CREBBP: variants seen among roughly 807,000 people sequenced by gnomAD.
CREBBP encodes CREB-binding protein.
Under a neutral mutation model 265.0 loss-of-function variants are expected in CREBBP, and 19 were observed. The observed-to-expected ratio is 0.07, with a 90% CI of 0.05 to 0.11. The LOEUF is 0.11. CREBBP is among the 10% of genes least tolerant of loss of function. The probability of loss-of-function intolerance (pLI) is 1.00; values close to 1 mark genes in which losing one functional copy is unlikely to be tolerated. For missense variants in CREBBP, 2,525 were observed against 3,219.0 expected, an observed-to-expected ratio of 0.78 and a Z score of 5.22; for synonymous variants, 1,457 against 1,223.7, an observed-to-expected ratio of 1.19 and a Z score of -3.98.
chr16:3,737,782 TTTTC>T (rs1360901522), intron 26 of CREBBP, among the ~76,000 whole-genome samples: 3 of 151,408 alleles, frequency 2.0e-5, no homozygotes, highest in South Asian at 2.1e-4. Context: ...TCTTTTTTTC[TTTTC>T]TTTCTTTTTT....
chr16:3,802,826 C>T (rs1159434206), intron 3 of CREBBP, among the ~76,000 whole-genome samples: 7 of 152,086 alleles, frequency 4.6e-5, no homozygotes, highest in African/African-American at 1.4e-4. Context: ...AACCTATGCT[C>T]CTCGGATACT....
chr16:3,862,955 G>A (rs1005498426), intron 1 of CREBBP, among the ~76,000 whole-genome samples: 8 of 152,210 alleles, frequency 5.3e-5, no homozygotes, highest in East Asian at 3.9e-4. Context: ...TCTTTTACAC[G>A]GAAATGTGCT....
rs536823264 is a variant in CREBBP, at chr16:3,755,174, T to C, written c.3698+2114A>G. On this transcript the variant is annotated intron_variant, in intron 19 of 30. Transcript: ENST00000262367. ...AAAATTAGACGTTTCAGAACTTTCA[T>C]GCCATCAATGACTTTATATGCCATC... is the stretch of plus-strand genomic sequence containing the variant. 4.6e-5 allele frequency among the ~76,000 whole-genome samples: 7 copies of C among 152,380 alleles called. 1 individual carries two copies. Among genetic ancestry groups the C allele is most frequent in the African/African-American group, 1.7e-4 (7 of 41,592 alleles).
rs2054758186 is a variant in CREBBP at position 3,849,436 on chromosome 16, T to TGTGTGTGTGTG, written c.798+850_798+860dup. The stretch of plus-strand genomic sequence containing the variant: ...GTGTGTGTGTGTGTGTGTGTGTGTG[T>TGTGTGTGTGTG]GTGTGTGTGTGTGTGTGTGTGTGTG... On this transcript the variant is annotated intron_variant, in intron 2 of 30. Coordinates refer to ENST00000262367, the MANE Select transcript of CREBBP (RefSeq NM_004380.3). 1.8e-3 allele frequency among the ~76,000 whole-genome samples: 20 copies of TGTGTGTGTGTG among 11,406 alleles called. 1 individual carries two copies. Among genetic ancestry groups the TGTGTGTGTGTG allele is most frequent in the Non-Finnish European group, 5.6e-3 (9 of 1,606 alleles). 7.5% of individuals were successfully genotyped at this position (11,406 alleles called of 152,430 possible).
intron 1 of CREBBP, among the ~76,000 whole-genome samples, chr16:3,871,582 T>G (rs2055301012): frequency 6.6e-6 from 1 of 152,238 alleles, no homozygotes; most frequent in South Asian, 2.1e-4. Flanking sequence ...TCTCCTTATT[T>G]AAATGTTGTA....
intron 26 of CREBBP, chr16:3,737,143 C>T (rs2052082020): frequency 1.5e-5 from 7 of 454,012 alleles, no homozygotes; most frequent in Admixed American, 3.5e-5. Context: ...CTCCTGTGCA[C>T]TGTAAAGGCA....
intron 3 of CREBBP, among the ~76,000 whole-genome samples, chr16:3,807,588 C>A (rs1369968702): frequency 1.3e-5 from 2 of 152,138 alleles, no homozygotes; most frequent in Non-Finnish European, 2.9e-5. Flanking sequence ...GCATTCCCGG[C>A]AGGCTCAGGG....
chr16:3,801,220 T>C (rs1228755512), intron 3 of CREBBP, among the ~76,000 whole-genome samples: 5 of 152,164 alleles, frequency 3.3e-5, no homozygotes, highest in Non-Finnish European at 5.9e-5. Flanking sequence ...CCACCTTGCA[T>C]TATAAAGTGT....
At chr16:3,733,030 G>A (rs958165178) in intron 28 of CREBBP, among the ~76,000 whole-genome samples, 5 of 151,996 alleles carry the variant, frequency 3.3e-5, no homozygotes, top group Admixed American at 1.3e-4. Context: ...AGATGAGAGA[G>A]ACTCTTGGTG....
intron 25 of CREBBP, among the ~76,000 whole-genome samples, chr16:3,739,020 C>T (rs1210496093): frequency 1.3e-5 from 2 of 152,168 alleles, no homozygotes; most frequent in Non-Finnish European, 2.9e-5. Context: ...TGTGATTGGC[C>T]AGTTTTTCTT....
Position 3,731,887 on chromosome 16 carries a change from G to C in CREBBP, c.4779C>G (p.Thr1593=). The change falls in exon 29 of 31, where the codon ACC becomes ACG. Residue 1593 remains threonine (T), a synonymous_variant. Coordinates refer to ENST00000262367, the MANE Select transcript of CREBBP (RefSeq NM_004380.3). The surrounding 1 kb of genome is among the most constrained non-coding windows in gnomAD (Gnocchi z 7.7). The part of the protein sequence containing the change: ...KNAKKKNNKK[T]NKNKSSISRA... ...GGCTGATGCTGCTTTTGTTCTTGTT[G>C]GTTTTCTTGTTGTTCTTCTTCTTGG... The C allele has an allele frequency of 6.2e-7, 1 of 1,614,242 alleles. No individual in the cohort carries two copies. The highest frequency in any genetic ancestry group is 8.5e-7 in the Non-Finnish European group (1 of 1,180,038).
chr16:3,743,101 C>T (rs1266172769), intron 23 of CREBBP: 1 of 152,174 alleles, frequency 6.6e-6, no homozygotes, highest in Non-Finnish European at 1.5e-5. Context: ...CAAATGGAGG[C>T]AACTGTGCCC....
Position 3,731,666 on chromosome 16 carries a change from G to A in CREBBP, c.4890+110C>T. ...CAACTGGTCCACTTGGTTTCCTGGG[G>A]GCCACTTCCCTCCCACCACAGACCT... On this transcript the variant is annotated intron_variant, in intron 29 of 30. Transcript: ENST00000262367. The surrounding 1 kb of genome is among the most constrained non-coding windows in gnomAD (Gnocchi z 7.7). 2 of 1,514,986 alleles carry A rather than the reference G, an allele frequency of 1.3e-6. No individual in the cohort carries two copies. Among genetic ancestry groups the A allele is most frequent in the Admixed American group, 1.7e-5 (1 of 59,734 alleles). The allele number at this position is 1,514,986 out of a possible 1,614,324, so 93.8% of individuals were successfully genotyped here. A position where few individuals can be genotyped will look rare whatever the true frequency, so the allele number is the denominator to read the frequency against.
At chr16:3,867,594 T>G (rs2055202103) in intron 1 of CREBBP, among the ~76,000 whole-genome samples, 1 of 152,022 alleles carries the variant, frequency 6.6e-6, no homozygotes, top group African/African-American at 2.4e-5. Flanking sequence ...CAAAACATTT[T>G]ACCGTTAAAA....
At chr16:3,848,762 C>T (rs1007726837) in intron 2 of CREBBP, among the ~76,000 whole-genome samples, 7 of 152,138 alleles carry the variant, frequency 4.6e-5, no homozygotes, top group Admixed American at 2.0e-4. Context: ...GAACAAGGAT[C>T]AATCTCTCCA....
At chr16:3,860,915 C>T (rs1465297272) in intron 1 of CREBBP, among the ~76,000 whole-genome samples, 6 of 151,986 alleles carry the variant, frequency 3.9e-5, no homozygotes, top group African/African-American at 1.5e-4. Flanking sequence ...CTCAACCAAG[C>T]CCTGGTTCAG....
In CREBBP at chr16:3,729,567, C is replaced by T. The variant is rs2151310467; in HGVS notation, c.5480G>A (p.Cys1827Tyr). Reference protein sequence around the residue: ...PVCKQLIALCCYHAKHCQENK... With the variant: ...PVCKQLIALCYYHAKHCQENK... The stretch of plus-strand genomic sequence containing the variant: ...TTCTTGGCAGTGCTTGGCGTGGTAG[C>T]AGCAGAGGGCGATGAGCTGCTTGCA... Residue 1827 changes from cysteine (C) to tyrosine (Y), a missense_variant, in exon 31 of 31, where the codon TGC becomes TAC. By Grantham distance (194) the Cys-to-Tyr change is radical. This residue lies in a region of CREBBP where 53 missense variants were observed against 146.3 expected (regional missense o/e 0.36). Coordinates refer to ENST00000262367, the MANE Select transcript of CREBBP (RefSeq NM_004380.3). 1 of 1,614,180 alleles carries T rather than the reference C, an allele frequency of 6.2e-7. No homozygotes were observed. The highest frequency in any genetic ancestry group is 8.5e-7 in the Non-Finnish European group (1 of 1,180,018).
At chr16:3,744,697 C>G (rs532738674) in intron 23 of CREBBP, among the ~76,000 whole-genome samples, 197 bp downstream of exon 23, 13 of 152,298 alleles carry the variant, frequency 8.5e-5, no homozygotes, top group African/African-American at 2.6e-4. Context: ...TTCTTGCATT[C>G]TTACCCTCAT....
chr16:3,787,054 G>A (rs1383875479), intron 5 of CREBBP, among the ~76,000 whole-genome samples: 1 of 145,556 alleles, frequency 6.9e-6, no homozygotes, highest in East Asian at 2.0e-4. Context: ...CTGGGCGACA[G>A]AGTGAGACTT....
Sources: allele counts gnomAD v4.1 joint callset (sites outside exome capture counted in the v4.1 genomes callset), GRCh38; gene constraint gnomAD v4.1.1; regional missense constraint gnomAD v4.1.1; non-coding constraint Gnocchi (gnomAD v3.1); transcripts MANE v1.5; gene names NCBI Gene and HGNC (gene_info 2026-07-23, HGNC 2026-07-21).